Variants in MAPK4 observed in about 807,000 individuals in gnomAD.
MAPK4 encodes Erk3-related.
Under a neutral mutation model 47.7 loss-of-function variants are expected in MAPK4, and 22 were observed. The ratio of observed to expected loss-of-function variants is 0.46; its 90% confidence interval spans 0.33 to 0.66. The LOEUF (loss-of-function observed/expected upper bound fraction) is 0.66. MAPK4 is among the 30% of genes least tolerant of loss of function. The pLI is 0.02. For missense variants in MAPK4, 736 were observed against 831.7 expected, an observed-to-expected ratio of 0.88 and a Z score of 1.42; for synonymous variants, 390 against 365.7, an observed-to-expected ratio of 1.07 and a Z score of -0.76.
At chr18:50,711,036 G>C (rs1598941664) in intron 2 of MAPK4, among the ~76,000 whole-genome samples, 1 of 152,302 alleles carries the variant, frequency 6.6e-6, no homozygotes, top group East Asian at 1.9e-4. Flanking sequence ...AGCTGGGAGT[G>C]CCCACCCTTC....
chr18:50,615,301 T>C (rs1452067309), intron 1 of MAPK4, among the ~76,000 whole-genome samples: 1 of 152,176 alleles, frequency 6.6e-6, no homozygotes, highest in African/African-American at 2.4e-5. Flanking sequence ...ATTAGTTGTT[T>C]AAACAATTCA....
At chr18:50,626,258 G>A (rs9954381) in intron 1 of MAPK4, among the ~76,000 whole-genome samples, 115,874 of 152,120 alleles carry the variant, frequency 0.76, 44,540 homozygotes, top group East Asian at 0.93. Context: ...TCTGGGCACC[G>A]TGGTCAACCA....
rs532127101 is a variant in MAPK4, at chr18:50,663,281, C to T, written c.-678C>T. 2.0e-5 allele frequency: 3 copies of T among 152,338 alleles called. No individual in the cohort carries two copies. Among genetic ancestry groups the T allele is most frequent in the East Asian group, 3.9e-4 (2 of 5,182 alleles). The allele number at this position is 152,338 out of a possible 1,614,324, so 9.4% of individuals were successfully genotyped here. A position where few individuals can be genotyped will look rare whatever the true frequency, so the allele number is the denominator to read the frequency against. On this transcript the variant is annotated 5_prime_UTR_variant, in exon 2 of 6. Coordinates refer to ENST00000400384, the MANE Select transcript of MAPK4 (RefSeq NM_002747.4). ...ACCTCAGGCGTAACTTGGTGTAGAG[C>T]TCATGAAAGGTGCTTGTGTTTCTCC...
intron 1 of MAPK4, among the ~76,000 whole-genome samples, chr18:50,622,776 A>G (rs538745830): frequency 6.6e-6 from 1 of 152,332 alleles, no homozygotes; most frequent in South Asian, 2.1e-4. Flanking sequence ...CCATTTTGTG[A>G]ATGATTGTAT....
chr18:50,651,763 T>C (rs967901253), intron 1 of MAPK4, among the ~76,000 whole-genome samples: 2 of 152,216 alleles, frequency 1.3e-5, no homozygotes, highest in South Asian at 2.1e-4. Context: ...ACAGGCTGGA[T>C]GTCTTTGTGT....
At chr18:50,713,118 A>C (rs1339923344) in intron 2 of MAPK4, among the ~76,000 whole-genome samples, 2 of 152,346 alleles carry the variant, frequency 1.3e-5, no homozygotes, top group East Asian at 3.9e-4. Flanking sequence ...GGCTGGGACT[A>C]GGGGTGACCA....
chr18:50,634,456 G>A (rs1489412761), intron 1 of MAPK4, among the ~76,000 whole-genome samples: 1 of 152,132 alleles, frequency 6.6e-6, no homozygotes, highest in Non-Finnish European at 1.5e-5. Flanking sequence ...AACACGAGTA[G>A]TCTCTTACTT....
At chr18:50,606,089 G>A (rs140543069) in intron 1 of MAPK4, among the ~76,000 whole-genome samples, 1,535 of 152,064 alleles carry the variant, frequency 0.01, 21 homozygotes, top group African/African-American at 0.034. Context: ...GAAATAACAG[G>A]TATCATGATA....
At chr18:50,575,432 C>T (rs1251163341) in intron 1 of MAPK4, among the ~76,000 whole-genome samples, 1 of 152,200 alleles carries the variant, frequency 6.6e-6, no homozygotes, top group Non-Finnish European at 1.5e-5. Context: ...CCTGAGTGCT[C>T]AAAAGCTATT....
chr18:50,582,551 G>T (rs765506106), intron 1 of MAPK4, among the ~76,000 whole-genome samples: 1 of 152,260 alleles, frequency 6.6e-6, no homozygotes, highest in Non-Finnish European at 1.5e-5. Context: ...GCCGCACCTA[G>T]AAGTTTTTTA....
In MAPK4 at chr18:50,729,289, A is replaced by C; in HGVS notation, c.1199A>C (p.Asp400Ala). ...AEDVQVDPRK[D>A]SHSSSERFLE... ...GACGTGCAGGTGGACCCGCGCAAGGACTCGCACAGCAGCTCCGAGCGCTTC... is the reference window on the plus strand; with the variant it reads ...GACGTGCAGGTGGACCCGCGCAAGGCCTCGCACAGCAGCTCCGAGCGCTTC... Residue 400 changes from aspartate to alanine, a missense_variant, in exon 6 of 6, where the codon GAC (aspartate) becomes GCC (alanine). By Grantham distance (126) the Asp-to-Ala change is moderately radical. Transcript: ENST00000400384. 1 of 1,608,998 alleles carries C rather than the reference A, an allele frequency of 6.2e-7. No individual in the cohort carries two copies. The highest frequency in any genetic ancestry group is 1.1e-5 in the South Asian group (1 of 90,924).
intron 1 of MAPK4, among the ~76,000 whole-genome samples, chr18:50,650,700 C>T (rs1213179385): frequency 6.6e-6 from 1 of 152,198 alleles, no homozygotes; most frequent in African/African-American, 2.4e-5. Flanking sequence ...CTCCTGCCAT[C>T]GCTTCCTGAG....
rs979503206 is a variant in MAPK4, at chr18:50,626,743, A to C, written c.-870-36346A>C. Among the ~76,000 whole-genome samples, 3 of 152,076 alleles carry C rather than the reference A, an allele frequency of 2.0e-5. No homozygotes were observed. In the East Asian group the frequency reaches 5.8e-4, roughly 29 times the overall value. Reference sequence around the variant, plus strand: ...GTCTCCAGCAGATGTGCTTCATCCAAATCCTCAGCATGAACACAGCTTGTC... The same window carrying C: ...GTCTCCAGCAGATGTGCTTCATCCACATCCTCAGCATGAACACAGCTTGTC... On this transcript the variant is annotated intron_variant, in intron 1 of 5. Transcript: ENST00000400384.
intron 4 of MAPK4, among the ~76,000 whole-genome samples, chr18:50,722,906 C>T (rs932031286): frequency 6.6e-6 from 1 of 152,124 alleles, no homozygotes; most frequent in Non-Finnish European, 1.5e-5. Context: ...GGGCTCTGAG[C>T]AGCTCAGTTT....
rs139509612 is a variant in MAPK4 at position 50,631,340 on chromosome 18, T to C, written c.-870-31749T>C. On this transcript the variant is annotated intron_variant, in intron 1 of 5. Transcript: ENST00000400384. ...GAAGATGTGTGTGTTAGATAAGCTTTGATCAGACATACGGTTGGCTGTGAG... is the reference window on the plus strand; with the variant it reads ...GAAGATGTGTGTGTTAGATAAGCTTCGATCAGACATACGGTTGGCTGTGAG... 2.4e-4 allele frequency among the ~76,000 whole-genome samples: 36 copies of C among 152,256 alleles called. No homozygotes were observed. In the East Asian group the frequency reaches 6.8e-3, roughly 29 times the overall value.
At chr18:50,689,808 T>G (rs186004467) in intron 2 of MAPK4, among the ~76,000 whole-genome samples, 36 of 152,350 alleles carry the variant, frequency 2.4e-4, no homozygotes, top group African/African-American at 8.4e-4. Context: ...TCCTGCAATT[T>G]ACAAACCAGT....
intron 1 of MAPK4, among the ~76,000 whole-genome samples, chr18:50,565,156 C>T (rs74938113): frequency 1.2e-4 from 18 of 152,324 alleles, no homozygotes; most frequent in African/African-American, 3.8e-4. Flanking sequence ...AAAGTATTGA[C>T]TTAAATTGAG....
At chr18:50,720,208 G>C (rs138687060) in intron 3 of MAPK4, among the ~76,000 whole-genome samples, 19 of 152,230 alleles carry the variant, frequency 1.2e-4, no homozygotes, top group African/African-American at 4.1e-4. Flanking sequence ...CGGATGATTA[G>C]GACATAAATC....
chr18:50,726,353 G>A (rs1911200064), intron 5 of MAPK4, among the ~76,000 whole-genome samples, 178 bp downstream of exon 5: 1 of 152,092 alleles, frequency 6.6e-6, no homozygotes, highest in Admixed American at 6.5e-5. Flanking sequence ...AATGACCAGT[G>A]TGAGTTGCAT....
Sources: gnomAD v4.1 joint callset for allele counts (sites outside exome capture counted in the v4.1 genomes callset) on GRCh38, gnomAD v4.1.1 for gene constraint, MANE v1.5 for transcripts, NCBI Gene and HGNC (gene_info 2026-07-23, HGNC 2026-07-21) for gene names.